The following PIN4 variants were observed in gnomAD, a reference collection of about 807,000 sequenced individuals.
PIN4 encodes the protein peptidylprolyl cis/trans isomerase, NIMA-interacting 4, also known as peptidyl-prolyl cis-trans isomerase NIMA-interacting 4.
A neutral mutation model predicts 8.3 loss-of-function variants in PIN4; 3 were observed. The observed-to-expected ratio is 0.36, with a 90% CI of 0.16 to 0.93. The LOEUF (loss-of-function observed/expected upper bound fraction) is 0.93. PIN4 is among the 40% of genes least tolerant of loss of function. PIN4 has a pLI of 0.44. For missense variants in PIN4, 75 were observed against 100.6 expected, an observed-to-expected ratio of 0.75 and a Z score of 1.09; for synonymous variants, 18 against 32.5, an observed-to-expected ratio of 0.55 and a Z score of 1.52.
chrX:72,206,711 CTTT>C (rs772680534), intron 3 of PIN4: 5 of 1,211,491 alleles, frequency 4.1e-6, no homozygotes, highest in Non-Finnish European at 5.6e-6. Flanking sequence ...TCAAGCTCTT[CTTT>C]AACAGACAGA....
chrX:72,223,811 T>C (rs950206747), intron 3 of PIN4, among the ~76,000 whole-genome samples: 4 of 111,543 alleles, frequency 3.6e-5, no homozygotes, highest in Non-Finnish European at 7.5e-5. Context: ...CCGTCACCTC[T>C]CTGGAAGTGT....
At chrX:72,222,594 C>T (rs1285128339) in intron 3 of PIN4, among the ~76,000 whole-genome samples, 1 of 80,392 alleles carries the variant, frequency 1.2e-5, no homozygotes, top group Non-Finnish European at 2.1e-5. Context: ...GAGAATCCAG[C>T]CTTTTTTTTT....
At chrX:72,241,517 ATTG>A (rs2043048933) in intron 3 of PIN4, among the ~76,000 whole-genome samples, 1 of 112,284 alleles carries the variant, frequency 8.9e-6, no homozygotes, top group Non-Finnish European at 1.9e-5. Context: ...ATACATTTCT[ATTG>A]TTTATAAATT....
At position 72,197,482 on chromosome X, in the gene PIN4, A is replaced by T; in HGVS notation, c.352A>T (p.Thr118Ser). Residue 118 changes from threonine to serine, a missense_variant, in exon 4 of 4, where the codon ACA becomes TCA. Transcript: ENST00000373669. The stretch of plus-strand genomic sequence containing the variant: ...TGTGTTTACAGACCCACCGGTTAAG[A>T]CAAAATTTGGATATCATATTATTAT... Reference protein sequence around the residue: ...KPVFTDPPVKTKFGYHIIMVE... With the variant: ...KPVFTDPPVKSKFGYHIIMVE... The T allele has an allele frequency of 8.3e-7, 1 of 1,208,192 alleles. No homozygotes were observed. Among genetic ancestry groups the T allele is most frequent in the Non-Finnish European group, 1.1e-6 (1 of 892,202 alleles).
intron 3 of PIN4, chrX:72,208,216 C>T (rs2042831891): frequency 3.3e-6 from 4 of 1,211,525 alleles, no homozygotes; most frequent in East Asian, 3.0e-5. Flanking sequence ...GTTTCTGGTC[C>T]GTTCATCCTT....
At chrX:72,223,556 A>G (rs752263671) in intron 3 of PIN4, among the ~76,000 whole-genome samples, 29 of 107,925 alleles carry the variant, frequency 2.7e-4, no homozygotes, top group African/African-American at 8.1e-4. Context: ...CACCCAGCTA[A>G]TTTTGTATTT....
chrX:72,251,659 C>T lies in PIN4; in HGVS notation c.313-11048C>T, dbSNP rs1223623841. On this transcript the variant is annotated intron_variant, in intron 3 of 3. Coordinates refer to the PIN4 transcript ENST00000423432. ...AAGTCTTAACTGACTCAGATAAAGA[C>T]GTTCAAGTGGAGGAGAGGGGTGTTT... Among the ~76,000 whole-genome samples the T allele has an allele frequency of 4.5e-5, 5 of 111,229 alleles. No homozygotes were observed. The East Asian group carries it at 1.4e-3, about 31-fold the overall frequency.
chrX:72,203,002 G>GAAAC (rs2042796358), downstream of PIN4, among the ~76,000 whole-genome samples: 2 of 111,871 alleles, frequency 1.8e-5, no homozygotes, highest in South Asian at 7.4e-4. Flanking sequence ...CTGGTCACCA[G>GAAAC]AAACAGCAAG....
In PIN4 at chrX:72,197,699, G is replaced by A; in HGVS notation, c.*173G>A. 1 of 1,012,634 alleles carries A rather than the reference G, an allele frequency of 9.9e-7. No homozygotes were observed. The highest frequency in any genetic ancestry group is 1.3e-6 in the Non-Finnish European group (1 of 796,025). 83.5% of individuals were successfully genotyped at this position (1,012,634 alleles called of 1,213,427 possible). A position where few individuals can be genotyped will look rare whatever the true frequency, so the allele number is the denominator to read the frequency against. On this transcript the variant is annotated 3_prime_UTR_variant, in exon 4 of 4. Transcript: ENST00000373669. ...TATGGGTTTGTAGGTGTAAGAGAGG[G>A]TGGGGCTAAGTGAATGTCAACTGTA...
chrX:72,228,201 T>C (rs902672883), intron 3 of PIN4, among the ~76,000 whole-genome samples: 1 of 112,397 alleles, frequency 8.9e-6, no homozygotes, highest in African/African-American at 3.2e-5. Flanking sequence ...TCTCCTTTGT[T>C]CGGTGTACTC....
rs149353979 is a variant in PIN4, at chrX:72,217,913, G to A, written c.312+21009G>A. Among the ~76,000 whole-genome samples, 931 of 111,472 alleles carry A rather than the reference G, an allele frequency of 8.4e-3. 8 individuals carry two copies. The highest frequency in any genetic ancestry group is 0.029 in the African/African-American group (880 of 30,663). On this transcript the variant is annotated intron_variant, in intron 3 of 3. Coordinates refer to the PIN4 transcript ENST00000423432. ...CTGTCTTGACTACTGTAGCTTTGTC[G>A]TAAGTTTTGAATTTGGGAACTATGA...
At chrX:72,245,121 G>A (rs2043063315) in intron 3 of PIN4, among the ~76,000 whole-genome samples, 1 of 105,254 alleles carries the variant, frequency 9.5e-6, no homozygotes, top group Non-Finnish European at 1.9e-5. Context: ...GTGGGTTTGG[G>A]GCAGGAAAAA....
chrX:72,218,918 G>A (rs933876913), intron 3 of PIN4, among the ~76,000 whole-genome samples: 35 of 112,444 alleles, frequency 3.1e-4, no homozygotes, highest in African/African-American at 1.1e-3. Flanking sequence ...GCACCTCCTC[G>A]TATAAATTTA....
chrX:72,261,316 C>A (rs180984912), intron 3 of PIN4, among the ~76,000 whole-genome samples: 6,129 of 96,383 alleles, frequency 0.064, 391 homozygotes, highest in East Asian at 0.42. Context: ...AAAAAAAAAA[C>A]CAAAATCTGG....
chrX:72,252,503 C>T (rs1306049368), intron 3 of PIN4, among the ~76,000 whole-genome samples: 2 of 111,104 alleles, frequency 1.8e-5, no homozygotes, highest in Non-Finnish European at 3.8e-5. Context: ...CCTGCCTCAG[C>T]CTCAGCCTCC....
intron 3 of PIN4, among the ~76,000 whole-genome samples, chrX:72,235,224 C>T (rs1416964597): frequency 3.6e-5 from 4 of 111,171 alleles, no homozygotes; most frequent in Non-Finnish European, 7.5e-5. Flanking sequence ...GTGTTCCTTT[C>T]TGGAGGCTCT....
intron 3 of PIN4, among the ~76,000 whole-genome samples, chrX:72,221,009 G>A (rs944321182): frequency 5.4e-5 from 6 of 111,512 alleles, no homozygotes; most frequent in South Asian, 3.8e-4. Flanking sequence ...CACCTGCCCC[G>A]TCTTTTCTCT....
intron 1 of PIN4, among the ~76,000 whole-genome samples, chrX:72,184,636 G>A (rs1252322326): frequency 8.9e-6 from 1 of 111,736 alleles, no homozygotes; most frequent in Admixed American, 9.5e-5. Context: ...ATAACTGGAA[G>A]GCATCATCAT....
chrX:72,218,835 GAT>G (rs1435932933), intron 3 of PIN4, among the ~76,000 whole-genome samples: 1 of 112,451 alleles, frequency 8.9e-6, no homozygotes, highest in African/African-American at 3.2e-5. Flanking sequence ...ATAAACACAG[GAT>G]ATCTTTCTTT....
Sources: gnomAD v4.1 joint callset for allele counts (sites outside exome capture counted in the v4.1 genomes callset) on GRCh38, gnomAD v4.1.1 for gene constraint, MANE v1.5 for transcripts, NCBI Gene and HGNC (gene_info 2026-07-23, HGNC 2026-07-21) for gene names.